The following ARHGAP12 variants were observed in gnomAD, a reference collection of about 807,000 sequenced individuals.
ARHGAP12 encodes the protein Rho GTPase activating protein 12.
ARHGAP12 carries 64 observed loss-of-function variants against 108.6 expected under a neutral mutation model. The ratio of observed to expected loss-of-function variants is 0.59; its 90% CI spans 0.48 to 0.73. The LOEUF is 0.73. Among genes scored for constraint, ARHGAP12 ranks in the 30% least tolerant of loss-of-function variants. The probability of loss-of-function intolerance (pLI) is 0.00; values close to 1 mark genes in which losing one functional copy is unlikely to be tolerated. For missense variants in ARHGAP12, 940 were observed against 1,005.9 expected, an observed-to-expected ratio of 0.93 and a Z score of 0.89; for synonymous variants, 312 against 337.2, an observed-to-expected ratio of 0.93 and a Z score of 0.82.
chr10:31,919,710 G>A (rs1839710457), intron 1 of ARHGAP12, among the ~76,000 whole-genome samples: 1 of 151,644 alleles, frequency 6.6e-6, no homozygotes, highest in African/African-American at 2.4e-5. Flanking sequence ...AGAATGGTGT[G>A]AACCAGGGAG....
intron 13 of ARHGAP12, among the ~76,000 whole-genome samples, 160 bp downstream of exon 13, chr10:31,817,628 T>TG (rs1835254445): frequency 6.6e-6 from 1 of 152,046 alleles, no homozygotes. Context: ...TCACCAGCCC[T>TG]GGGGGGCTGC....
At chr10:31,841,168 T>C (rs1371003451) in intron 7 of ARHGAP12, among the ~76,000 whole-genome samples, 1 of 152,142 alleles carries the variant, frequency 6.6e-6, no homozygotes, top group Non-Finnish European at 1.5e-5. Flanking sequence ...CATGTATACA[T>C]TTATCTATAT....
intron 1 of ARHGAP12, among the ~76,000 whole-genome samples, chr10:31,914,911 T>C (rs1242809837): frequency 6.6e-6 from 1 of 152,164 alleles, no homozygotes; most frequent in Admixed American, 6.5e-5. Context: ...AAGGATAAAG[T>C]GTATATACAT....
chr10:31,878,916 A>C (rs544022583), intron 3 of ARHGAP12, among the ~76,000 whole-genome samples: 1 of 152,358 alleles, frequency 6.6e-6, no homozygotes. Context: ...CATTCTTCCA[A>C]AGTAATTCCT....
chr10:31,853,915 A>G, intron 5 of ARHGAP12, 151 bp downstream of exon 5: 1 of 804,518 alleles, frequency 1.2e-6, no homozygotes, highest in Non-Finnish European at 1.9e-6. Context: ...AGTTACACTG[A>G]GTTTTCGTAT....
At chr10:31,924,423 G>A (rs1413687502) in intron 1 of ARHGAP12, among the ~76,000 whole-genome samples, 1 of 151,974 alleles carries the variant, frequency 6.6e-6, no homozygotes, top group Non-Finnish European at 1.5e-5. Flanking sequence ...CATGATAGAT[G>A]GTATCACATT....
Position 31,854,146 on chromosome 10 carries a change from C to A in ARHGAP12, c.1009G>T (p.Gly337Cys). The A allele has an allele frequency of 6.2e-7, 1 of 1,613,760 alleles. No individual in the cohort carries two copies. The highest frequency in any genetic ancestry group is 8.5e-7 in the Non-Finnish European group (1 of 1,179,840). Residue 337 changes from glycine to cysteine, a missense_variant, in exon 5 of 20, where the codon GGT becomes TGT. Transcript: ENST00000344936. ...TCTGACCAACCCCTTGGAGGAGAAC[C>A]ACACTGACTATCTGACTGGCTGTAA... ...TSYSQSDSQC[G>C]SPPRGWSEEL...
intron 4 of ARHGAP12, among the ~76,000 whole-genome samples, chr10:31,858,509 G>A (rs1836977159): frequency 6.6e-6 from 1 of 152,166 alleles, no homozygotes; most frequent in South Asian, 2.1e-4. Context: ...CTTGAGCCCA[G>A]GAGTTTGAGC....
At chr10:31,899,563 G>T (rs1413493543) in intron 3 of ARHGAP12, among the ~76,000 whole-genome samples, 2 of 152,136 alleles carry the variant, frequency 1.3e-5, no homozygotes, top group African/African-American at 4.8e-5. Flanking sequence ...AGAATAAAAA[G>T]TTCAGAAACA....
chr10:31,858,279 T>C (rs1258402146), intron 4 of ARHGAP12, among the ~76,000 whole-genome samples: 3 of 152,072 alleles, frequency 2.0e-5, no homozygotes, highest in Non-Finnish European at 4.4e-5. Context: ...CAGGATTAAT[T>C]TTAAGAGTCA....
At chr10:31,906,287 C>G (rs910888132) in intron 3 of ARHGAP12, among the ~76,000 whole-genome samples, 1 of 152,170 alleles carries the variant, frequency 6.6e-6, no homozygotes, top group African/African-American at 2.4e-5. Flanking sequence ...GTAATGTTTA[C>G]TATTTTAAGC....
intron 3 of ARHGAP12, among the ~76,000 whole-genome samples, chr10:31,891,191 A>G (rs1042022125): frequency 6.6e-6 from 1 of 152,218 alleles, no homozygotes; most frequent in Admixed American, 6.5e-5. Context: ...TTCCAAATCA[A>G]TGTAAGATTA....
chr10:31,882,613 G>C (rs376566818), intron 3 of ARHGAP12, among the ~76,000 whole-genome samples: 1 of 151,900 alleles, frequency 6.6e-6, no homozygotes, highest in South Asian at 2.1e-4. Context: ...AGGAGTTTGA[G>C]ACCAGCCTAG....
intron 3 of ARHGAP12, among the ~76,000 whole-genome samples, chr10:31,881,242 C>T (rs1837943727): frequency 6.6e-6 from 1 of 151,238 alleles, no homozygotes; most frequent in Non-Finnish European, 1.5e-5. Flanking sequence ...ATATAATATA[C>T]ATGTAATGGG....
rs1839302709 is a variant in ARHGAP12 at position 31,910,583 on chromosome 10, T to C, written c.-110-20A>G. 1.3e-5 allele frequency: 2 copies of C among 152,188 alleles called. No individual in the cohort carries two copies. The highest frequency in any genetic ancestry group is 4.1e-4 in the South Asian group (2 of 4,830). The allele number at this position is 152,188 out of a possible 1,614,324, so 9.4% of individuals were successfully genotyped here. On this transcript the variant is annotated intron_variant, in intron 1 of 19. Transcript: ENST00000344936. ...TTAAACCTGTAAAAAAATAAATAAG[T>C]TCATTAACTCAAACCAAGATCGCTG...
intron 6 of ARHGAP12, among the ~76,000 whole-genome samples, chr10:31,845,727 G>A (rs1483896933): frequency 2.6e-5 from 4 of 152,098 alleles, no homozygotes; most frequent in Non-Finnish European, 5.9e-5. Flanking sequence ...GGAAGCTGCA[G>A]CGAACCGAAA....
chr10:31,808,474 A>T (rs1749921782), intron 19 of ARHGAP12, 175 bp downstream of exon 19: 1 of 555,266 alleles, frequency 1.8e-6, no homozygotes, highest in Non-Finnish European at 3.2e-6. Flanking sequence ...CTTCATAGCA[A>T]ATCATTTACC....
chr10:31,861,924 C>T (rs1157220530), intron 3 of ARHGAP12, among the ~76,000 whole-genome samples: 3 of 152,166 alleles, frequency 2.0e-5, no homozygotes, highest in African/African-American at 7.2e-5. Context: ...GCTGTGGGTT[C>T]TAATTCAAGA....
intron 1 of ARHGAP12, among the ~76,000 whole-genome samples, chr10:31,922,681 A>T (rs774355173): frequency 6.6e-6 from 1 of 152,212 alleles, no homozygotes; most frequent in Non-Finnish European, 1.5e-5. Flanking sequence ...AGCTTCCCAC[A>T]AAGAAAACTG....
Sources: gnomAD v4.1 joint callset for allele counts (sites outside exome capture counted in the v4.1 genomes callset) on GRCh38, gnomAD v4.1.1 for gene constraint, MANE v1.5 for transcripts, NCBI Gene and HGNC (gene_info 2026-07-23, HGNC 2026-07-21) for gene names.